Variants in PCDH7 observed in about 807,000 individuals in gnomAD.
PCDH7 encodes protocadherin-7.
A neutral mutation model predicts 58.9 loss-of-function variants in PCDH7; 17 were observed. That is an observed-to-expected ratio of 0.29 (90% CI 0.20 to 0.43). The LOEUF (loss-of-function observed/expected upper bound fraction) is 0.43. Among genes scored for constraint, PCDH7 ranks in the 20% least tolerant of loss-of-function variants. The probability of loss-of-function intolerance (pLI) is 1.00; values close to 1 mark genes in which losing one functional copy is unlikely to be tolerated. For missense variants in PCDH7, 1,274 were observed against 1,441.0 expected, an observed-to-expected ratio of 0.88 and a Z score of 1.88; for synonymous variants, 664 against 616.4, an observed-to-expected ratio of 1.08 and a Z score of -1.14.
At chr4:30,942,471 T>C (rs1182809160) in intron 2 of PCDH7, among the ~76,000 whole-genome samples, 1 of 152,000 alleles carries the variant, frequency 6.6e-6, no homozygotes, top group Non-Finnish European at 1.5e-5. Context: ...CTAAGGTACA[T>C]CAGTGGAAAA....
intron 2 of PCDH7, among the ~76,000 whole-genome samples, chr4:30,922,102 CAT>C (rs1465348106): frequency 6.6e-6 from 1 of 151,390 alleles, no homozygotes; most frequent in Non-Finnish European, 1.5e-5. Context: ...TATTACGTTA[CAT>C]ATGTGTAACG....
intron 3 of PCDH7, among the ~76,000 whole-genome samples, chr4:31,041,262 A>G (rs13120823): frequency 0.13 from 19,332 of 152,124 alleles, 1,525 homozygotes; most frequent in East Asian, 0.32. Context: ...GTACTGTCTA[A>G]CTGCTTTTAG....
intron 3 of PCDH7, among the ~76,000 whole-genome samples, chr4:31,110,722 T>G (rs1484406030): frequency 2.6e-5 from 4 of 152,028 alleles, no homozygotes; most frequent in African/African-American, 9.7e-5. Flanking sequence ...GAGACCATCC[T>G]GGCTAACACG....
chr4:31,130,461 AG>A (rs1718839201), intron 3 of PCDH7, among the ~76,000 whole-genome samples: 1 of 152,216 alleles, frequency 6.6e-6, no homozygotes, highest in Non-Finnish European at 1.5e-5. Context: ...GATGAAATAT[AG>A]GTACAAAGCA....
chr4:30,727,462 T>A (rs2109233060), intron 1 of PCDH7, among the ~76,000 whole-genome samples: 1 of 152,096 alleles, frequency 6.6e-6, no homozygotes, highest in Admixed American at 6.5e-5. Context: ...GTGGTAGAGT[T>A]GCTGGAATTA....
chr4:30,869,975 T>G (rs1198338583), intron 1 of PCDH7, among the ~76,000 whole-genome samples: 1 of 152,216 alleles, frequency 6.6e-6, no homozygotes, highest in African/African-American at 2.4e-5. Flanking sequence ...CGATCGCCAT[T>G]CTAACTGGTG....
downstream of PCDH7, among the ~76,000 whole-genome samples, chr4:30,737,669 C>T (rs1279471445): frequency 1.3e-5 from 2 of 152,132 alleles, no homozygotes; most frequent in Non-Finnish European, 1.5e-5. Flanking sequence ...GTGTGGCCTT[C>T]CACATATACC....
At chr4:30,978,986 G>A (rs1750312792) in intron 3 of PCDH7, among the ~76,000 whole-genome samples, 1 of 152,026 alleles carries the variant, frequency 6.6e-6, no homozygotes, top group Admixed American at 6.6e-5. Context: ...GAAACCATGT[G>A]TAATATTTAG....
At chr4:30,854,943 T>C (rs1487772867) in intron 1 of PCDH7, among the ~76,000 whole-genome samples, 2 of 152,172 alleles carry the variant, frequency 1.3e-5, no homozygotes, top group Admixed American at 1.3e-4. Context: ...TATACCTTAC[T>C]GATCAGGAGC....
intron 1 of PCDH7, among the ~76,000 whole-genome samples, chr4:30,744,244 A>G (rs1333249337): frequency 1.3e-5 from 2 of 152,264 alleles, no homozygotes; most frequent in East Asian, 3.9e-4. Flanking sequence ...CATTGAAAAA[A>G]CCATAAAGGA....
chr4:31,033,215 G>C (rs1050424088), intron 3 of PCDH7, among the ~76,000 whole-genome samples: 3 of 152,138 alleles, frequency 2.0e-5, no homozygotes, highest in Non-Finnish European at 1.5e-5. Context: ...CTTAAAAGTG[G>C]ACCTCACGGA....
chr4:30,943,354 A>T (rs1746282571), intron 2 of PCDH7, among the ~76,000 whole-genome samples: 1 of 152,138 alleles, frequency 6.6e-6, no homozygotes, highest in African/African-American at 2.4e-5. Flanking sequence ...TGCATATTTC[A>T]TCTCACTTAA....
chr4:30,933,867 A>C (rs1437214287), intron 2 of PCDH7, among the ~76,000 whole-genome samples: 2 of 152,216 alleles, frequency 1.3e-5, no homozygotes, highest in Non-Finnish European at 2.9e-5. Flanking sequence ...AATTATATGA[A>C]TACTCGAGGA....
chr4:31,073,204 A>G (rs1245112966), intron 3 of PCDH7, among the ~76,000 whole-genome samples: 2 of 152,184 alleles, frequency 1.3e-5, no homozygotes, highest in African/African-American at 4.8e-5. Context: ...AGGGGATTAG[A>G]TTTGCTACAT....
chr4:30,895,244 G>A (rs73108235), intron 1 of PCDH7, among the ~76,000 whole-genome samples: 2,153 of 151,698 alleles, frequency 0.014, 50 homozygotes, highest in African/African-American at 0.048. Context: ...ATTTAATCAG[G>A]AAAACAGGCA....
intron 3 of PCDH7, among the ~76,000 whole-genome samples, chr4:31,141,405 C>T (rs1469808272): frequency 6.6e-6 from 1 of 152,158 alleles, no homozygotes; most frequent in Non-Finnish European, 1.5e-5. Context: ...AACAATAAAA[C>T]ATTTTAAATA....
chr4:30,799,655 T>C (rs1725270128), intron 1 of PCDH7, among the ~76,000 whole-genome samples: 2 of 152,184 alleles, frequency 1.3e-5, no homozygotes, highest in African/African-American at 4.8e-5. Flanking sequence ...ACATTGCTGT[T>C]ACTCATGATG....
chr4:30,978,958 A>G (rs890496117), intron 3 of PCDH7, among the ~76,000 whole-genome samples: 2 of 152,320 alleles, frequency 1.3e-5, no homozygotes, highest in Admixed American at 6.5e-5. Flanking sequence ...AAGTTTTATT[A>G]TTAAACAAAA....
At chr4:30,878,855 CAA>C in intron 1 of PCDH7, among the ~76,000 whole-genome samples, 1 of 151,714 alleles carries the variant, frequency 6.6e-6, no homozygotes, top group East Asian at 2.0e-4. Context: ...TGTCTCAAAA[CAA>C]AGAGAAAAAA....
Sources: allele counts gnomAD v4.1 joint callset (sites outside exome capture counted in the v4.1 genomes callset), GRCh38; gene constraint gnomAD v4.1.1; transcripts MANE v1.5; gene names NCBI Gene and HGNC (gene_info 2026-07-23, HGNC 2026-07-21).